Variants in RPRD1A observed in about 807,000 individuals in gnomAD.
RPRD1A encodes the protein regulation of nuclear pre-mRNA domain-containing protein 1A.
RPRD1A carries 9 observed loss-of-function variants against 37.8 expected under a neutral mutation model. That is an observed-to-expected ratio of 0.24 (90% CI 0.14 to 0.42). The LOEUF (loss-of-function observed/expected upper bound fraction) is 0.42. Ranked by LOEUF, RPRD1A falls within the 10% of genes least tolerant of loss-of-function variation. RPRD1A has a pLI of 1.00. For synonymous variants in RPRD1A, 138 were observed against 139.7 expected, an observed-to-expected ratio of 0.99 and a Z score of 0.08; for missense variants, 255 against 371.0, an observed-to-expected ratio of 0.69 and a Z score of 2.57.
chr18:36,007,092 A>G (rs1001628813), intron 6 of RPRD1A, among the ~76,000 whole-genome samples: 5 of 152,146 alleles, frequency 3.3e-5, no homozygotes, highest in African/African-American at 1.2e-4. Flanking sequence ...TTACTCTCAA[A>G]GGAAACTCTT....
At chr18:35,995,901 T>G (rs1328165621) in intron 6 of RPRD1A, among the ~76,000 whole-genome samples, 1 of 152,220 alleles carries the variant, frequency 6.6e-6, no homozygotes, top group Non-Finnish European at 1.5e-5. Flanking sequence ...CCACTTTAGC[T>G]GTGAGAAAAA....
chr18:36,061,251 C>G (rs1388748943), intron 1 of RPRD1A, among the ~76,000 whole-genome samples: 1 of 152,194 alleles, frequency 6.6e-6, no homozygotes, highest in Non-Finnish European at 1.5e-5. Flanking sequence ...TACCACAAGA[C>G]TATAAATTCT....
At chr18:36,046,414 T>TC in intron 1 of RPRD1A, among the ~76,000 whole-genome samples, 1 of 151,968 alleles carries the variant, frequency 6.6e-6, no homozygotes, top group Non-Finnish European at 1.5e-5. Flanking sequence ...CCTTCTCCCC[T>TC]CCCCACGGTG....
chr18:36,007,746 T>G (rs914508217), intron 6 of RPRD1A, among the ~76,000 whole-genome samples: 5 of 152,048 alleles, frequency 3.3e-5, no homozygotes, highest in African/African-American at 1.2e-4. Context: ...AAGACCAGCC[T>G]GGCCAACACG....
In RPRD1A at chr18:35,990,338, T is replaced by C. The variant is rs563647038; in HGVS notation, c.*2813A>G. 9 of 152,350 alleles carry C rather than the reference T, an allele frequency of 5.9e-5. No individual in the cohort carries two copies. The South Asian group carries it at 1.2e-3, about 21-fold the overall frequency. The allele number at this position is 152,350 out of a possible 1,614,324, so 9.4% of individuals were successfully genotyped here. ...GATAACTGACAACTTAGTTTTGTGATTTTGCAAATCAAGATGCCTGGGTCA... is the reference window on the plus strand; with the variant it reads ...GATAACTGACAACTTAGTTTTGTGACTTTGCAAATCAAGATGCCTGGGTCA... On this transcript the variant is annotated 3_prime_UTR_variant, in exon 7 of 7. Transcript: ENST00000399022.
intron 6 of RPRD1A, among the ~76,000 whole-genome samples, chr18:36,024,129 C>G (rs2144259405): frequency 6.6e-6 from 1 of 151,766 alleles, no homozygotes; most frequent in East Asian, 1.9e-4. Context: ...TCTATTTTAA[C>G]AGTTATCTCG....
At chr18:36,054,401 G>C (rs562474375) in intron 1 of RPRD1A, among the ~76,000 whole-genome samples, 1 of 152,324 alleles carries the variant, frequency 6.6e-6, no homozygotes, top group East Asian at 1.9e-4. Context: ...GCTGAGGCAG[G>C]AGAATCACGA....
At chr18:35,997,526 T>A (rs1598591988) in intron 6 of RPRD1A, among the ~76,000 whole-genome samples, 1 of 152,320 alleles carries the variant, frequency 6.6e-6, no homozygotes, top group Non-Finnish European at 1.5e-5. Flanking sequence ...AGCAATTTCT[T>A]TATATTGATT....
chr18:35,998,907 T>G (rs1909253579), intron 6 of RPRD1A, among the ~76,000 whole-genome samples: 1 of 152,200 alleles, frequency 6.6e-6, no homozygotes, highest in African/African-American at 2.4e-5. Context: ...TTGTGTGCAC[T>G]GCAAGTGGGC....
At chr18:36,022,680 T>C (rs1911071917) in intron 6 of RPRD1A, among the ~76,000 whole-genome samples, 2 of 152,226 alleles carry the variant, frequency 1.3e-5, no homozygotes, top group African/African-American at 4.8e-5. Context: ...ATATTACTAT[T>C]GGCCAGATGT....
chr18:36,030,917 G>T lies in RPRD1A; in HGVS notation c.389-12C>A. 1 of 1,602,778 alleles carries T rather than the reference G, an allele frequency of 6.2e-7. No individual in the cohort carries two copies. Among genetic ancestry groups the T allele is most frequent in the Non-Finnish European group, 8.5e-7 (1 of 1,172,122 alleles). Reference sequence around the variant, plus strand: ...CTTCTTATCACCATCTGAAATGAAAGAACATTTAAGTATTAATGAAAGAAT... The same window carrying T: ...CTTCTTATCACCATCTGAAATGAAATAACATTTAAGTATTAATGAAAGAAT... On this transcript the variant is annotated splice_polypyrimidine_tract_variant and intron_variant, in intron 3 of 6. Transcript: ENST00000399022.
chr18:35,990,233 G>C lies in RPRD1A; in HGVS notation c.*2918C>G, dbSNP rs990655868. 1 of 152,124 alleles carries C rather than the reference G, an allele frequency of 6.6e-6. No homozygotes were observed. Among genetic ancestry groups the C allele is most frequent in the Non-Finnish European group, 1.5e-5 (1 of 68,016 alleles). The allele number at this position is 152,124 out of a possible 1,614,324, so 9.4% of individuals were successfully genotyped here. Reference sequence around the variant, plus strand: ...CTTTCCCAATTAGTTAATTTGTACTGTTGAGTTTTTTCTCTCTAAAGATTT... The same window carrying C: ...CTTTCCCAATTAGTTAATTTGTACTCTTGAGTTTTTTCTCTCTAAAGATTT... On this transcript the variant is annotated 3_prime_UTR_variant, in exon 7 of 7. Coordinates refer to ENST00000399022, the MANE Select transcript of RPRD1A (RefSeq NM_018170.5).
At chr18:36,042,109 T>A (rs913025504) in intron 1 of RPRD1A, among the ~76,000 whole-genome samples, 2 of 152,192 alleles carry the variant, frequency 1.3e-5, no homozygotes, top group Non-Finnish European at 2.9e-5. Context: ...CTCCACCATT[T>A]ACACTACTCT....
intron 1 of RPRD1A, among the ~76,000 whole-genome samples, chr18:36,039,165 T>G (rs1912408383): frequency 6.6e-6 from 1 of 152,064 alleles, no homozygotes; most frequent in African/African-American, 2.4e-5. Flanking sequence ...CCCACCCAAA[T>G]CTCATGTCAA....
intron 6 of RPRD1A, among the ~76,000 whole-genome samples, chr18:36,018,423 G>A (rs1347675144): frequency 1.3e-5 from 2 of 151,932 alleles, no homozygotes; most frequent in South Asian, 2.1e-4. Context: ...ACAGGCGCCC[G>A]CCACCACGCC....
intron 1 of RPRD1A, among the ~76,000 whole-genome samples, chr18:36,043,891 A>T (rs186262208): frequency 6.6e-6 from 1 of 152,140 alleles, no homozygotes; most frequent in Non-Finnish European, 1.5e-5. Flanking sequence ...GCAGTAAAAA[A>T]CCCATGTATA....
Position 36,067,432 on chromosome 18 carries a change from C to G in RPRD1A, c.-28G>C, listed in dbSNP as rs751893491. The G allele has an allele frequency of 6.3e-7, 1 of 1,595,538 alleles. No individual in the cohort carries two copies. The highest frequency in any genetic ancestry group is 2.3e-5 in the East Asian group (1 of 43,932). On this transcript the variant is annotated 5_prime_UTR_variant, in exon 1 of 7. Coordinates refer to ENST00000399022, the MANE Select transcript of RPRD1A (RefSeq NM_018170.5). ...CTCCGACACCACGTTCACGCCGTCC[C>G]ACGCGGTGGGGCCGAGGGGAGGAGA...
intron 6 of RPRD1A, among the ~76,000 whole-genome samples, chr18:36,007,267 A>T (rs1480077281): frequency 1.3e-5 from 2 of 152,152 alleles, no homozygotes; most frequent in Non-Finnish European, 2.9e-5. Flanking sequence ...TCAACTAGCA[A>T]GCAGGTCAGA....
intron 6 of RPRD1A, among the ~76,000 whole-genome samples, chr18:36,001,362 C>A (rs1462185115): frequency 1.3e-5 from 2 of 152,126 alleles, no homozygotes; most frequent in African/African-American, 2.4e-5. Flanking sequence ...AAAGAAATGA[C>A]CCTCCATAAT....
Sources: gnomAD v4.1 joint callset for allele counts (sites outside exome capture counted in the v4.1 genomes callset) on GRCh38, gnomAD v4.1.1 for gene constraint, MANE v1.5 for transcripts, NCBI Gene and HGNC (gene_info 2026-07-23, HGNC 2026-07-21) for gene names.